Variants in PALM observed in about 807,000 individuals in gnomAD.
The protein encoded by PALM is paralemmin.
A neutral mutation model predicts 30.7 loss-of-function variants in PALM; 18 were observed. That is an observed-to-expected ratio of 0.59 (90% CI 0.41 to 0.87). The LOEUF is 0.87. Among genes scored for constraint, PALM ranks in the 40% least tolerant of loss-of-function variants. The pLI, the probability that PALM is intolerant of heterozygous loss-of-function variation, is 0.00. For missense variants in PALM, 529 were observed against 555.4 expected (o/e 0.95, Z 0.48); for synonymous variants, 286 against 242.8 (o/e 1.18, Z -1.66).
At chr19:727,521 C>T (rs1000713743) in intron 3 of PALM, 43 bp from the exon 4 acceptor site, 26 of 1,509,338 alleles carry the variant, frequency 1.7e-5, no homozygotes, top group African/African-American at 2.7e-5. Context: ...TAACCCTGGC[C>T]CTGGTCCTGC....
intron 1 of PALM, chr19:711,210 G>A (rs2032069225): frequency 2.1e-5 from 21 of 983,066 alleles, no homozygotes; most frequent in East Asian, 1.1e-4. Context: ...TGAGGAGAAC[G>A]TCCAGGAAGG....
chr19:729,603 T>C (rs998921093), intron 4 of PALM, among the ~76,000 whole-genome samples: 3 of 151,358 alleles, frequency 2.0e-5, no homozygotes, highest in Non-Finnish European at 2.9e-5. Context: ...GTAGCTGGGA[T>C]TACAGGTGCC....
chr19:731,440 G>A (rs903586375), intron 5 of PALM, among the ~76,000 whole-genome samples, 195 bp downstream of exon 5: 5 of 152,140 alleles, frequency 3.3e-5, no homozygotes, highest in East Asian at 1.9e-4. Context: ...GCTGGGCCTC[G>A]GTTTCCCCAT....
chr19:730,393 C>T (rs568562997), intron 4 of PALM, among the ~76,000 whole-genome samples: 1 of 152,148 alleles, frequency 6.6e-6, no homozygotes, highest in Non-Finnish European at 1.5e-5. Context: ...TTTCATATCC[C>T]GGTTTTGTTT....
intron 1 of PALM, among the ~76,000 whole-genome samples, chr19:712,634 T>C (rs553207176): frequency 2.0e-5 from 3 of 151,852 alleles, no homozygotes; most frequent in Non-Finnish European, 2.9e-5. Context: ...CCACCTGCCT[T>C]GGCCTCCCAA....
chr19:735,904 A>G, intron 6 of PALM, 115 bp from the exon 7 acceptor site: 2 of 821,788 alleles, frequency 2.4e-6, no homozygotes, highest in Non-Finnish European at 3.9e-6. Flanking sequence ...TCAAAGGCCC[A>G]GGTGCATGTG....
rs1420760603 is a variant in PALM, at chr19:711,250, ATC to A, written c.5+2103_5+2104del. On this transcript the variant is annotated intron_variant, in intron 1 of 8. Coordinates refer to ENST00000338448, the MANE Select transcript of PALM (RefSeq NM_002579.3). The stretch of plus-strand genomic sequence containing the variant: ...GGGGAGAATCTCTGCTTCGGAGAGA[ATC>A]TCTGTGCTCTGGGAGGGTTTGTGTG... 4.4e-6 allele frequency: 4 copies of A among 902,708 alleles called. No homozygotes were observed. In the African/African-American group the frequency reaches 7.2e-5, roughly 16 times the overall value. 55.9% of individuals were successfully genotyped at this position (902,708 alleles called of 1,614,324 possible).
chr19:717,008 C>A (rs1359700758), intron 1 of PALM, among the ~76,000 whole-genome samples: 2 of 151,992 alleles, frequency 1.3e-5, no homozygotes, highest in Admixed American at 1.3e-4. Flanking sequence ...CGGCTCACTG[C>A]AACCTCCGCC....
intron 1 of PALM, among the ~76,000 whole-genome samples, chr19:715,950 T>C (rs1419383068): frequency 6.6e-6 from 1 of 151,974 alleles, no homozygotes; most frequent in Non-Finnish European, 1.5e-5. Context: ...TCTAGGAGGA[T>C]GGCTGCGTGG....
intron 8 of PALM, among the ~76,000 whole-genome samples, chr19:743,806 CAA>C (rs1248037285): frequency 6.6e-6 from 1 of 152,182 alleles, no homozygotes; most frequent in Non-Finnish European, 1.5e-5. Flanking sequence ...CAAGAAATGT[CAA>C]GTCAGAGACA....
At chr19:736,825 G>A (rs2033038093) in intron 7 of PALM, among the ~76,000 whole-genome samples, 2 of 152,194 alleles carry the variant, frequency 1.3e-5, no homozygotes, top group East Asian at 1.9e-4. Context: ...AGGCCGAGGC[G>A]GGCAGATCGC....
chr19:740,361 C>G lies in PALM; in HGVS notation c.512C>G (p.Ser171Trp). The G allele has an allele frequency of 6.4e-7, 1 of 1,565,860 alleles. No homozygotes were observed. Among genetic ancestry groups the G allele is most frequent in the South Asian group, 1.2e-5 (1 of 85,032 alleles). The part of the protein sequence containing the change: ...GSPMMKAAMY[S>W]VEITVEKDKV... Reference sequence around the variant, plus strand: ...GTGACTCTCGTGCCAGCCATGTACTCGGTTGAGATCACTGTGGAGAAGGAC... The same window carrying G: ...GTGACTCTCGTGCCAGCCATGTACTGGGTTGAGATCACTGTGGAGAAGGAC... The change falls in exon 8 of 9, where the codon TCG becomes TGG. Residue 171 changes from serine to tryptophan, a missense_variant. By Grantham distance (177) the Ser-to-Trp change is radical. Transcript: ENST00000338448.
At chr19:718,514 C>T (rs192880577) in intron 1 of PALM, among the ~76,000 whole-genome samples, 10 of 152,284 alleles carry the variant, frequency 6.6e-5, no homozygotes, top group East Asian at 1.9e-4. Flanking sequence ...CTCACTGCCC[C>T]GTCTTCCCCT....
At chr19:720,377 C>CGGGGAGGGGCGAGGGGGGCGCCGGGTCT (rs1198606039) in intron 1 of PALM, among the ~76,000 whole-genome samples, 1 of 74,996 alleles carries the variant, frequency 1.3e-5, no homozygotes, top group African/African-American at 5.1e-5. Context: ...CGTCCAGGCC[C>CGGGGAGGGGCGAGGGGGGCGCCGGGTCT]GGGGAGGGGC....
chr19:727,489 C>T (rs1418792080), intron 3 of PALM, 75 bp from the exon 4 acceptor site: 2 of 1,261,316 alleles, frequency 1.6e-6, no homozygotes, highest in South Asian at 1.3e-5. Flanking sequence ...CTGATCCTGA[C>T]CCTGACCTCA....
At chr19:738,337 T>C (rs530950322) in intron 7 of PALM, among the ~76,000 whole-genome samples, 5 of 152,096 alleles carry the variant, frequency 3.3e-5, no homozygotes, top group South Asian at 4.2e-4. Context: ...CCATCTTGGC[T>C]AACACGGTGA....
At chr19:729,842 GC>G (rs1247354376) in intron 4 of PALM, among the ~76,000 whole-genome samples, 1 of 152,222 alleles carries the variant, frequency 6.6e-6, no homozygotes, top group East Asian at 1.9e-4. Flanking sequence ...CCGAGGTGGG[GC>G]TGAGACGGGC....
At chr19:717,260 A>G (rs1209777772) in intron 1 of PALM, among the ~76,000 whole-genome samples, 1 of 151,868 alleles carries the variant, frequency 6.6e-6, no homozygotes, top group Non-Finnish European at 1.5e-5. Context: ...ATTGTAGAAC[A>G]TTTTCATCAC....
Position 746,515 on chromosome 19 carries a change from G to T in PALM, c.865G>T (p.Gly289Trp). The T allele has an allele frequency of 6.2e-7, 1 of 1,612,830 alleles. No individual in the cohort carries two copies. The highest frequency in any genetic ancestry group is 8.5e-7 in the Non-Finnish European group (1 of 1,179,838). The change falls in exon 9 of 9, where the codon GGG (glycine) becomes TGG (tryptophan). Residue 289 changes from glycine (G) to tryptophan (W), a missense_variant. Gly to Trp is a radical substitution (Grantham distance 184). Transcript: ENST00000338448. The surrounding 1 kb of genome is among the most constrained non-coding windows in gnomAD (Gnocchi z 7.1). ...AGGCGAGGCCACGTCCGGCCCGCCG[G>T]GGATCCAGCCCGGCCAGGAGCCCCC... ...QPGEATSGPP[G>W]IQPGQEPPVT...
Sources: allele counts gnomAD v4.1 joint callset (sites outside exome capture counted in the v4.1 genomes callset), GRCh38; gene constraint gnomAD v4.1.1; non-coding constraint Gnocchi (gnomAD v3.1); transcripts MANE v1.5; gene names NCBI Gene and HGNC (gene_info 2026-07-23, HGNC 2026-07-21).